Variants in TXNRD1 observed in about 807,000 individuals in gnomAD.
TXNRD1 encodes thioredoxin reductase 1.
TXNRD1 carries 57 observed loss-of-function variants against 80.3 expected under a neutral mutation model. That is an observed-to-expected ratio of 0.71 (90% CI 0.57 to 0.89). TXNRD1 has a LOEUF of 0.89. Among genes scored for constraint, TXNRD1 ranks in the 40% least tolerant of loss-of-function variants. The pLI is 0.00. For synonymous variants in TXNRD1, 291 were observed against 285.2 expected (o/e 1.02, Z -0.20); for missense variants, 730 against 803.0 (o/e 0.91, Z 1.10).
At chr12:104,326,460 ATTTTTT>A in intron 12 of TXNRD1, 37 bp downstream of exon 12, 39 of 539,288 alleles carry the variant, frequency 7.2e-5, no homozygotes, top group Middle Eastern at 6.6e-4. Flanking sequence ...TATTTGTGGG[ATTTTTT>A]TTTTTTTTTT....
intron 3 of TXNRD1, among the ~76,000 whole-genome samples, chr12:104,259,761 T>TACA (rs919555111): frequency 4.6e-5 from 7 of 151,996 alleles, no homozygotes; most frequent in Non-Finnish European, 1.0e-4. Context: ...GTGCTGAGAT[T>TACA]ACAGGTGTGA....
chr12:104,327,430 G>T, intron 12 of TXNRD1, 85 bp from the exon 13 acceptor site: 1 of 1,371,152 alleles, frequency 7.3e-7, no homozygotes. Flanking sequence ...TCACAATTTT[G>T]GGCTTCCCTG....
Position 104,289,033 on chromosome 12 carries a change from C to T in TXNRD1, c.407C>T (p.Thr136Ile). 2 of 1,613,866 alleles carry T rather than the reference C, an allele frequency of 1.2e-6. No individual in the cohort carries two copies. The highest frequency in any genetic ancestry group is 1.6e-4 in the Middle Eastern group (1 of 6,062). The change falls in exon 4 of 17, where the codon ACC (threonine) becomes ATC (isoleucine). Residue 136 changes from threonine to isoleucine, a missense_variant. Thr to Ile is a moderately conservative substitution (Grantham distance 89). Coordinates refer to ENST00000525566, the MANE Select transcript of TXNRD1 (RefSeq NM_001093771.3). ...AGAAAGATAGGCGGCCATGGTCCAA[C>T]CTTGAAGGTAGGAGAGAGTAACGTA... ...KQRKIGGHGP[T>I]LKAYQEGRLQ...
At chr12:104,240,009 G>C (rs770669334) in intron 1 of TXNRD1, among the ~76,000 whole-genome samples, 5 of 151,986 alleles carry the variant, frequency 3.3e-5, no homozygotes, top group Non-Finnish European at 7.4e-5. Flanking sequence ...GAAGAATTTT[G>C]CATCTTTGTT....
At chr12:104,222,870 A>G (rs145340491) in intron 1 of TXNRD1, among the ~76,000 whole-genome samples, 2,028 of 152,266 alleles carry the variant, frequency 0.013, 33 homozygotes, top group South Asian at 0.073. Flanking sequence ...ACAAACAAAC[A>G]AAACTAACTT....
At chr12:104,346,141 T>G (rs994480501) in intron 16 of TXNRD1, 8 of 463,262 alleles carry the variant, frequency 1.7e-5, no homozygotes, top group Non-Finnish European at 3.2e-5. Context: ...GTCTCCTGAG[T>G]AGCTGGGACC....
chr12:104,321,742 A>G (rs1412972483), intron 10 of TXNRD1, among the ~76,000 whole-genome samples: 1 of 152,140 alleles, frequency 6.6e-6, no homozygotes, highest in Non-Finnish European at 1.5e-5. Context: ...CATAAACACT[A>G]CATACTTCTG....
At chr12:104,227,348 A>T (rs2032495771) in intron 1 of TXNRD1, among the ~76,000 whole-genome samples, 1 of 152,046 alleles carries the variant, frequency 6.6e-6, no homozygotes, top group Admixed American at 6.6e-5. Flanking sequence ...AGCAGCTTCA[A>T]ACTCCTGGGC....
At chr12:104,258,108 A>G in intron 3 of TXNRD1, 29 bp downstream of exon 3, 1 of 1,441,200 alleles carries the variant, frequency 6.9e-7, no homozygotes, top group East Asian at 2.5e-5. Flanking sequence ...TGTAAATCAT[A>G]GCTGCTGACT....
chr12:104,313,285 T>A lies in TXNRD1; in HGVS notation c.578T>A (p.Phe193Tyr), dbSNP rs1366677033. ...QYGKKVMVLD[F>Y]VTPTPLGTRW... is the part of the protein sequence containing the mutation. ...GGCAAGAAGGTGATGGTCCTGGACT[T>A]TGTCACTCCCACCCCTCTTGGAACT... Residue 193 changes from phenylalanine to tyrosine, a missense_variant, in exon 6 of 17, where the codon TTT becomes TAT. Physicochemically the swap from Phe to Tyr is conservative, Grantham distance 22. Coordinates refer to ENST00000525566, the MANE Select transcript of TXNRD1 (RefSeq NM_001093771.3). 6.3e-7 allele frequency: 1 copy of A among 1,593,164 alleles called. No individual in the cohort carries two copies. Among genetic ancestry groups the A allele is most frequent in the Non-Finnish European group, 8.6e-7 (1 of 1,168,494 alleles).
intron 4 of TXNRD1, among the ~76,000 whole-genome samples, chr12:104,309,224 A>G (rs2035042400): frequency 6.6e-6 from 1 of 152,154 alleles, no homozygotes; most frequent in South Asian, 2.1e-4. Flanking sequence ...TCTAAGGTCA[A>G]CTGAATGCTT....
chr12:104,229,247 A>G (rs930635101), intron 1 of TXNRD1, among the ~76,000 whole-genome samples: 1 of 149,016 alleles, frequency 6.7e-6, no homozygotes, highest in African/African-American at 2.5e-5. Context: ...TCCTGGGCTC[A>G]AGCAATCCTC....
rs1390770925 is a variant in TXNRD1, at chr12:104,216,724, TGAGGCCATCTGACTCAAAAGC to T, written c.91+832_91+852del. Among the ~76,000 whole-genome samples the T allele has an allele frequency of 3.3e-5, 5 of 152,246 alleles. No individual in the cohort carries two copies. In the South Asian group the frequency reaches 1.0e-3, roughly 31 times the overall value. Reference sequence around the variant, plus strand: ...TAAGTGGAAGAGCTGGGATACCAGTTGAGGCCATCTGACTCAAAAGCCCTGGTCATAGTCATATGGCCGCCT... The same window carrying T: ...TAAGTGGAAGAGCTGGGATACCAGTTCCTGGTCATAGTCATATGGCCGCCT... On this transcript the variant is annotated intron_variant, in intron 1 of 16. Coordinates refer to ENST00000525566, the MANE Select transcript of TXNRD1 (RefSeq NM_001093771.3).
chr12:104,343,068 G>C (rs184444284), intron 16 of TXNRD1, among the ~76,000 whole-genome samples: 12 of 152,328 alleles, frequency 7.9e-5, no homozygotes, highest in Admixed American at 7.8e-4. Flanking sequence ...GCAGACTCGA[G>C]GTGACAGCGA....
At chr12:104,322,808 T>A (rs1006177970) in intron 10 of TXNRD1, among the ~76,000 whole-genome samples, 1 of 152,018 alleles carries the variant, frequency 6.6e-6, no homozygotes, top group Admixed American at 6.5e-5. Context: ...TTTTTTTTTT[T>A]TAATTTATTT....
intron 13 of TXNRD1, among the ~76,000 whole-genome samples, chr12:104,329,973 T>A (rs1327332318): frequency 6.6e-6 from 1 of 152,214 alleles, no homozygotes; most frequent in Non-Finnish European, 1.5e-5. Flanking sequence ...TGCCTCTTGG[T>A]CGATGTCTTA....
intron 4 of TXNRD1, among the ~76,000 whole-genome samples, chr12:104,293,815 G>A (rs1010950041): frequency 1.3e-5 from 2 of 152,174 alleles, no homozygotes; most frequent in Admixed American, 6.5e-5. Flanking sequence ...TAGTGGCCCC[G>A]AATGTCGGGC....
chr12:104,279,944 T>C (rs1312002975), intron 3 of TXNRD1, among the ~76,000 whole-genome samples: 8 of 150,696 alleles, frequency 5.3e-5, no homozygotes, highest in Admixed American at 4.7e-4. Flanking sequence ...GCACCTGTAG[T>C]CCCAGCTACT....
intron 1 of TXNRD1, 59 bp downstream of exon 1, chr12:104,215,952 C>A: frequency 6.9e-7 from 1 of 1,457,734 alleles, no homozygotes; most frequent in East Asian, 2.5e-5. Context: ...GGCCTTCCGG[C>A]CGGGGTTGGG....
Sources: allele counts gnomAD v4.1 joint callset (sites outside exome capture counted in the v4.1 genomes callset), GRCh38; gene constraint gnomAD v4.1.1; transcripts MANE v1.5; gene names NCBI Gene and HGNC (gene_info 2026-07-23, HGNC 2026-07-21).